The following NAALADL2 variants were observed in gnomAD, a reference collection of about 807,000 sequenced individuals.
NAALADL2 encodes the protein inactive N-acetylated-alpha-linked acidic dipeptidase-like protein 2.
In NAALADL2, 76 loss-of-function variants were observed where a neutral mutation model predicts 87.2. That is an observed-to-expected ratio of 0.87 (90% confidence interval 0.72 to 1.05). NAALADL2 has a LOEUF of 1.05. Among genes scored for constraint, NAALADL2 ranks in the 50% least tolerant of loss-of-function variants. NAALADL2 has a pLI of 0.00. For missense variants in NAALADL2, 1,089 were observed against 945.8 expected (o/e 1.15, Z -1.99); for synonymous variants, 354 against 331.0 (o/e 1.07, Z -0.75).
chr3:175,340,960 T>A (rs1223289388), intron 5 of NAALADL2, among the ~76,000 whole-genome samples: 1 of 151,488 alleles, frequency 6.6e-6, no homozygotes, highest in Admixed American at 6.6e-5. Flanking sequence ...TTCCTTAGCC[T>A]AGAAAATCCA....
At chr3:175,742,528 G>T (rs1331392971) in intron 12 of NAALADL2, among the ~76,000 whole-genome samples, 1 of 151,598 alleles carries the variant, frequency 6.6e-6, no homozygotes, top group African/African-American at 2.4e-5. Context: ...CTCCCGAGTA[G>T]CTGGGACTAC....
intron 8 of NAALADL2, 85 bp from the exon 9 acceptor site, chr3:175,471,554 A>C: frequency 2.7e-6 from 2 of 754,470 alleles, no homozygotes; most frequent in Non-Finnish European, 2.2e-6. Flanking sequence ...TATGAAATGA[A>C]ATGTTCATTA....
At chr3:175,281,286 C>A (rs1754278557) in intron 4 of NAALADL2, among the ~76,000 whole-genome samples, 1 of 151,596 alleles carries the variant, frequency 6.6e-6, no homozygotes, top group Non-Finnish European at 1.5e-5. Flanking sequence ...GTGTTACTTT[C>A]CTTAGAAAAT....
chr3:175,597,359 C>G (rs539895439), intron 10 of NAALADL2, among the ~76,000 whole-genome samples: 1 of 152,110 alleles, frequency 6.6e-6, no homozygotes, highest in Admixed American at 6.5e-5. Context: ...ATGTCTAATT[C>G]TACCTAGAAT....
At chr3:174,648,019 T>C (rs1410556938) in intron 2 of NAALADL2, among the ~76,000 whole-genome samples, 1 of 152,200 alleles carries the variant, frequency 6.6e-6, no homozygotes, top group Non-Finnish European at 1.5e-5. Context: ...GGGTATTATG[T>C]GGGTGTGTAA....
chr3:175,004,465 G>A (rs570997037), intron 1 of NAALADL2, among the ~76,000 whole-genome samples: 30 of 150,660 alleles, frequency 2.0e-4, no homozygotes, highest in South Asian at 1.9e-3. Flanking sequence ...AGTGTGTGGC[G>A]TTTGTTTAAC....
chr3:174,910,400 T>G (rs1425737356), intron 1 of NAALADL2, among the ~76,000 whole-genome samples: 3 of 152,060 alleles, frequency 2.0e-5, no homozygotes, highest in African/African-American at 7.3e-5. Flanking sequence ...TAATAAAAAA[T>G]TTTCCAGTTT....
In NAALADL2 at chr3:175,467,083, A is replaced by T. The variant is rs1184089031; in HGVS notation, c.1432A>T (p.Met478Leu). ...AATCACAGCGTTTATCCGTGCCTTG[A>T]TGTCAAAAGTTAAGAGAGGGTGGAG... The part of the protein sequence containing the change: ...AIITAFIRAL[M>L]SKVKRGWRPD... Residue 478 changes from methionine to leucine, a missense_variant, in exon 8 of 14, where the codon ATG (methionine) becomes TTG (leucine). Met to Leu is a conservative substitution (Grantham distance 15, BLOSUM62 2). Coordinates refer to ENST00000454872, the MANE Select transcript of NAALADL2 (RefSeq NM_207015.3). The T allele has an allele frequency of 4.3e-6, 7 of 1,613,814 alleles. No individual in the cohort carries two copies. Among genetic ancestry groups the T allele is most frequent in the Non-Finnish European group, 5.9e-6 (7 of 1,179,850 alleles).
chr3:175,358,140 T>C (rs973991287), intron 5 of NAALADL2, among the ~76,000 whole-genome samples: 1 of 152,144 alleles, frequency 6.6e-6, no homozygotes, highest in Non-Finnish European at 1.5e-5. Flanking sequence ...AGCTAAGCAA[T>C]AGAAGAAATG....
intron 4 of NAALADL2, among the ~76,000 whole-genome samples, chr3:175,314,597 AT>A (rs1348721493): frequency 1.8e-5 from 2 of 110,960 alleles, no homozygotes; most frequent in East Asian, 5.3e-4. Context: ...ATATATATAT[AT>A]AGGCTATACA....
chr3:175,595,692 A>G (rs1012005588), intron 10 of NAALADL2, among the ~76,000 whole-genome samples: 2 of 151,974 alleles, frequency 1.3e-5, no homozygotes, highest in Non-Finnish European at 2.9e-5. Context: ...AGGAAGTGAA[A>G]GATCTTTAGA....
intron 9 of NAALADL2, among the ~76,000 whole-genome samples, chr3:175,559,476 G>A (rs1186036612): frequency 6.6e-6 from 1 of 151,842 alleles, no homozygotes; most frequent in African/African-American, 2.4e-5. Context: ...CCAGTACTAT[G>A]TTGAAAAACA....
chr3:175,760,228 G>A (rs1446041793), intron 13 of NAALADL2, among the ~76,000 whole-genome samples: 1 of 152,128 alleles, frequency 6.6e-6, no homozygotes, highest in African/African-American at 2.4e-5. Flanking sequence ...ACTGGAAAGG[G>A]CCTCCCCTCT....
intron 10 of NAALADL2, among the ~76,000 whole-genome samples, chr3:175,619,687 G>A (rs1725933033): frequency 6.6e-6 from 1 of 151,848 alleles, no homozygotes; most frequent in Non-Finnish European, 1.5e-5. Flanking sequence ...TTGTCTCTGT[G>A]GTTTGCAACG....
intron 11 of NAALADL2, among the ~76,000 whole-genome samples, chr3:175,709,564 G>C (rs531755317): frequency 4.3e-4 from 66 of 152,212 alleles, no homozygotes; most frequent in African/African-American, 1.5e-3. Context: ...CACCAGTTGC[G>C]TAGGCTTATA....
chr3:175,559,622 A>G (rs1715939852), intron 9 of NAALADL2, among the ~76,000 whole-genome samples: 1 of 152,096 alleles, frequency 6.6e-6, no homozygotes, highest in Admixed American at 6.6e-5. Flanking sequence ...TTTCTATACC[A>G]AGTTTTTTGA....
chr3:175,278,365 A>T (rs998174535), intron 4 of NAALADL2, among the ~76,000 whole-genome samples: 19 of 152,256 alleles, frequency 1.2e-4, no homozygotes, highest in Admixed American at 3.3e-4. Flanking sequence ...ACCAGAGAGA[A>T]CTACCAAACC....
chr3:175,142,618 A>T (rs1017856493), intron 2 of NAALADL2, among the ~76,000 whole-genome samples: 5 of 151,658 alleles, frequency 3.3e-5, no homozygotes, highest in Admixed American at 6.6e-5. Flanking sequence ...TTTTTTTTTT[A>T]AAACATAGTT....
At chr3:175,301,139 A>G (rs933917085) in intron 4 of NAALADL2, among the ~76,000 whole-genome samples, 4 of 152,036 alleles carry the variant, frequency 2.6e-5, no homozygotes, top group African/African-American at 9.7e-5. Context: ...GTCCTCTGCT[A>G]GCTTTTGAAT....
Sources: allele counts gnomAD v4.1 joint callset (sites outside exome capture counted in the v4.1 genomes callset), GRCh38; gene constraint gnomAD v4.1.1; transcripts MANE v1.5; gene names NCBI Gene and HGNC (gene_info 2026-07-23, HGNC 2026-07-21).